The following PRKN variants were observed in gnomAD, a reference collection of about 807,000 sequenced individuals.
The protein encoded by PRKN is parkin RBR E3 ubiquitin protein ligase, also known as E3 ubiquitin-protein ligase parkin.
Under a neutral mutation model 59.5 loss-of-function variants are expected in PRKN, and 56 were observed. That is an observed-to-expected ratio of 0.94 (90% CI 0.76 to 1.18). PRKN has a LOEUF of 1.18. Among genes scored for constraint, PRKN ranks in the 50% most tolerant of loss-of-function variants. The pLI is 0.00. For missense variants in PRKN, 657 were observed against 596.4 expected (o/e 1.10, Z -1.06); for synonymous variants, 250 against 222.1 (o/e 1.13, Z -1.12).
Position 162,517,286 on chromosome 6 carries a change from C to T in PRKN, c.8-73813G>A, listed in dbSNP as rs182241505. 1.6e-3 allele frequency among the ~76,000 whole-genome samples: 234 copies of T among 148,966 alleles called. No individual in the cohort carries two copies. The East Asian group carries it at 0.021, about 13-fold the overall frequency. ...TTTTTGAGACGGAGTCCCGCTCTGTCGCCCAGGCTGGAGTGCAGTGACACA... is the reference window on the plus strand; with the variant it reads ...TTTTTGAGACGGAGTCCCGCTCTGTTGCCCAGGCTGGAGTGCAGTGACACA... On this transcript the variant is annotated intron_variant, in intron 1 of 11. Coordinates refer to ENST00000366898, the MANE Select transcript of PRKN (RefSeq NM_004562.3).
At chr6:162,156,378 C>G (rs988969756) in intron 4 of PRKN, among the ~76,000 whole-genome samples, 1 of 152,140 alleles carries the variant, frequency 6.6e-6, no homozygotes, top group African/African-American at 2.4e-5. Context: ...CATCTGCAAG[C>G]TGAGGAGCAA....
At chr6:161,766,440 T>C (rs548613797) in intron 7 of PRKN, among the ~76,000 whole-genome samples, 1 of 152,166 alleles carries the variant, frequency 6.6e-6, no homozygotes, top group South Asian at 2.1e-4. Context: ...CCTGAGTAGC[T>C]GGGACTACAG....
At chr6:161,957,124 T>G (rs1467214719) in intron 6 of PRKN, among the ~76,000 whole-genome samples, 1 of 152,174 alleles carries the variant, frequency 6.6e-6, no homozygotes, top group Non-Finnish European at 1.5e-5. Context: ...ACGTGTAAAG[T>G]CTTGCAGTAG....
At chr6:162,337,603 T>C (rs1392833497) in intron 2 of PRKN, among the ~76,000 whole-genome samples, 1 of 152,114 alleles carries the variant, frequency 6.6e-6, no homozygotes, top group Admixed American at 6.6e-5. Flanking sequence ...ACATGGAAAA[T>C]ATGCAGCATT....
At chr6:162,600,336 T>C (rs1781654842) in intron 1 of PRKN, among the ~76,000 whole-genome samples, 1 of 152,206 alleles carries the variant, frequency 6.6e-6, no homozygotes, top group Admixed American at 6.5e-5. Flanking sequence ...TAATAACCCA[T>C]GATTTGATTG....
chr6:161,773,812 A>C (rs1157186501), intron 7 of PRKN, among the ~76,000 whole-genome samples: 1 of 152,312 alleles, frequency 6.6e-6, no homozygotes, highest in Non-Finnish European at 1.5e-5. Flanking sequence ...TTAAACACTT[A>C]ATAAGATGCA....
At position 161,684,242 on chromosome 6, in the gene PRKN, TA is replaced by T. The variant is rs989360190; in HGVS notation, c.871+101529del. Among the ~76,000 whole-genome samples, 25 of 151,996 alleles carry T rather than the reference TA, an allele frequency of 1.6e-4. 1 individual carries two copies. The highest frequency in any genetic ancestry group is 5.3e-4 in the African/African-American group (22 of 41,436). ...AAAAAAATTTTCATTTTAAGGCTGT[TA>T]AAAAAATTTATTTATTATTACAACT... On this transcript the variant is annotated intron_variant, in intron 7 of 11. Coordinates refer to ENST00000366898, the MANE Select transcript of PRKN (RefSeq NM_004562.3).
intron 1 of PRKN, among the ~76,000 whole-genome samples, chr6:162,514,634 G>A (rs1777768699): frequency 6.6e-6 from 1 of 152,122 alleles, no homozygotes; most frequent in Non-Finnish European, 1.5e-5. Flanking sequence ...TACAGAACAA[G>A]AGTTCTCAGT....
intron 1 of PRKN, among the ~76,000 whole-genome samples, chr6:162,663,609 T>C (rs1318309583): frequency 1.3e-5 from 2 of 152,140 alleles, no homozygotes; most frequent in African/African-American, 4.8e-5. Context: ...CACTGGTTCC[T>C]TGTAGACAGA....
chr6:162,226,679 G>T (rs943608135), intron 3 of PRKN, among the ~76,000 whole-genome samples: 3 of 152,200 alleles, frequency 2.0e-5, no homozygotes, highest in South Asian at 2.1e-4. Flanking sequence ...GACTACAGGC[G>T]CCTGCTACCA....
chr6:162,429,491 A>G (rs1789407113), intron 2 of PRKN, among the ~76,000 whole-genome samples: 1 of 151,944 alleles, frequency 6.6e-6, no homozygotes, highest in Non-Finnish European at 1.5e-5. Flanking sequence ...GCCTCCATTC[A>G]TTGGCCCTGG....
At chr6:162,531,742 T>C (rs1023181031) in intron 1 of PRKN, among the ~76,000 whole-genome samples, 11 of 152,130 alleles carry the variant, frequency 7.2e-5, no homozygotes, top group African/African-American at 2.7e-4. Flanking sequence ...TTGTCGCTAA[T>C]GGTAGTCCTA....
rs575049979 is a variant in PRKN, at chr6:162,452,438, C to A, written c.8-8965G>T. Among the ~76,000 whole-genome samples, 179 of 151,962 alleles carry A rather than the reference C, an allele frequency of 1.2e-3. 1 individual carries two copies. Among genetic ancestry groups the A allele is most frequent in the East Asian group, 0.01 (54 of 5,156 alleles). ...ATTCTATTCCATGGGGAGTTTAGAA[C>A]ATATAATATGTATGCCAAGTATGGC... On this transcript the variant is annotated intron_variant, in intron 1 of 11. Coordinates refer to ENST00000366898, the MANE Select transcript of PRKN (RefSeq NM_004562.3).
At chr6:162,614,634 G>A (rs564157065) in intron 1 of PRKN, among the ~76,000 whole-genome samples, 1 of 152,248 alleles carries the variant, frequency 6.6e-6, no homozygotes, top group East Asian at 1.9e-4. Context: ...TTCACGAAGG[G>A]AAAGGAAGGT....
chr6:161,622,654 G>C (rs868763225), intron 7 of PRKN, among the ~76,000 whole-genome samples: 2 of 152,328 alleles, frequency 1.3e-5, no homozygotes, highest in Middle Eastern at 3.4e-3. Context: ...GACCAGAGCT[G>C]CCACTACCTC....
At chr6:161,836,060 C>T (rs1022115689) in intron 6 of PRKN, among the ~76,000 whole-genome samples, 2 of 151,894 alleles carry the variant, frequency 1.3e-5, no homozygotes, top group African/African-American at 4.8e-5. Context: ...AGGGGGTGGC[C>T]CCTAAATAGC....
intron 8 of PRKN, among the ~76,000 whole-genome samples, chr6:161,553,316 A>C (rs530579748): frequency 1.8e-4 from 28 of 152,138 alleles, no homozygotes; most frequent in African/African-American, 6.3e-4. Context: ...TATAGGCTTC[A>C]TTTAATTCAG....
chr6:162,407,354 G>A (rs545115744), intron 2 of PRKN, among the ~76,000 whole-genome samples: 4 of 152,284 alleles, frequency 2.6e-5, no homozygotes, highest in African/African-American at 4.8e-5. Context: ...TCATAACGTT[G>A]TACAAAGAGG....
At chr6:162,505,030 T>C (rs569182530) in intron 1 of PRKN, among the ~76,000 whole-genome samples, 1 of 152,202 alleles carries the variant, frequency 6.6e-6, no homozygotes, top group Admixed American at 6.5e-5. Context: ...AATCTAAGAT[T>C]CCGAAGATAC....
Sources: gnomAD v4.1 joint callset for allele counts (sites outside exome capture counted in the v4.1 genomes callset) on GRCh38, gnomAD v4.1.1 for gene constraint, MANE v1.5 for transcripts, NCBI Gene and HGNC (gene_info 2026-07-23, HGNC 2026-07-21) for gene names.